PREX2: variants seen among roughly 807,000 people sequenced by gnomAD.
PREX2 encodes the protein phosphatidylinositol 3,4,5-trisphosphate-dependent Rac exchanger 2 protein.
A neutral mutation model predicts 203.2 loss-of-function variants in PREX2; 107 were observed. That is an observed-to-expected ratio of 0.53 (90% CI 0.45 to 0.62). The LOEUF (loss-of-function observed/expected upper bound fraction) is 0.62. Among genes scored for constraint, PREX2 ranks in the 20% least tolerant of loss-of-function variants. The pLI, the probability that PREX2 is intolerant of heterozygous loss-of-function variation, is 0.00. For synonymous variants in PREX2, 672 were observed against 663.6 expected (o/e 1.01, Z -0.19); for missense variants, 1,777 against 1,955.9 (o/e 0.91, Z 1.72).
intron 1 of PREX2, among the ~76,000 whole-genome samples, chr8:67,976,925 T>C (rs73256067): frequency 3.3e-5 from 5 of 152,240 alleles, no homozygotes; most frequent in Admixed American, 6.5e-5. Flanking sequence ...TGGTAGCACA[T>C]GTAGCAGAAT....
At chr8:68,037,169 A>G (rs1394262940) in intron 6 of PREX2, among the ~76,000 whole-genome samples, 1 of 152,202 alleles carries the variant, frequency 6.6e-6, no homozygotes, top group Non-Finnish European at 1.5e-5. Context: ...AATTTTAAAT[A>G]TGAAACATTA....
At chr8:68,151,378 C>T (rs985281574) in intron 34 of PREX2, among the ~76,000 whole-genome samples, 18 of 152,116 alleles carry the variant, frequency 1.2e-4, no homozygotes, top group Non-Finnish European at 2.5e-4. Flanking sequence ...GATAGCACTA[C>T]TGCACACCAA....
At chr8:68,020,571 ACT>A (rs1474188838) in intron 3 of PREX2, among the ~76,000 whole-genome samples, 19 of 152,122 alleles carry the variant, frequency 1.2e-4, no homozygotes, top group Admixed American at 6.6e-4. Flanking sequence ...TAGTGAGCAG[ACT>A]CTGTGTTCTT....
At chr8:68,116,045 C>G (rs1810651668) in intron 26 of PREX2, 113 bp downstream of exon 26, 2 of 834,224 alleles carry the variant, frequency 2.4e-6, no homozygotes, top group Non-Finnish European at 3.7e-6. Flanking sequence ...ATTGGTCTTT[C>G]ACAATAATCA....
intron 1 of PREX2, among the ~76,000 whole-genome samples, chr8:67,999,813 T>A: frequency 6.6e-6 from 1 of 152,270 alleles, no homozygotes; most frequent in African/African-American, 2.4e-5. Context: ...GTTCAACATA[T>A]GCACATCAAT....
chr8:67,988,501 G>T (rs929641087), intron 1 of PREX2, among the ~76,000 whole-genome samples: 3 of 152,198 alleles, frequency 2.0e-5, no homozygotes, highest in Admixed American at 2.0e-4. Context: ...TCCTACAACT[G>T]AGAGTCCCAT....
rs991805514 is a variant in PREX2 at position 67,986,672 on chromosome 8, C to T, written c.142-31174C>T. Reference sequence around the variant, plus strand: ...GGGGCTTGATTATGAGTTGCTGGCACCCAGCATGGTGCCTTTCTTTCGAGA... The same window carrying T: ...GGGGCTTGATTATGAGTTGCTGGCATCCAGCATGGTGCCTTTCTTTCGAGA... On this transcript the variant is annotated intron_variant, in intron 1 of 39. Transcript: ENST00000288368. Among the ~76,000 whole-genome samples the T allele has an allele frequency of 2.0e-5, 3 of 152,170 alleles. No homozygotes were observed. In the South Asian group the frequency reaches 6.2e-4, roughly 31 times the overall value.
At chr8:68,086,220 T>G (rs1809686389) in intron 18 of PREX2, among the ~76,000 whole-genome samples, 1 of 152,180 alleles carries the variant, frequency 6.6e-6, no homozygotes, top group Admixed American at 6.6e-5. Flanking sequence ...ATAATAATAC[T>G]TTCAAGTTTT....
At chr8:68,183,960 C>T (rs1471699286) in intron 35 of PREX2, among the ~76,000 whole-genome samples, 1 of 152,082 alleles carries the variant, frequency 6.6e-6, no homozygotes, top group Non-Finnish European at 1.5e-5. Flanking sequence ...TGGTAATAGG[C>T]AGTTCAATGA....
rs199776134 is a variant in PREX2, at chr8:68,077,406, C to A, written c.1579C>A (p.Arg527Ser). Residue 527 changes from arginine (R) to serine (S), a missense_variant, in exon 15 of 40, where the codon CGC (arginine) becomes AGC (serine). Arg to Ser is a moderately radical substitution (Grantham distance 110). Transcript: ENST00000288368. Reference protein sequence around the residue: ...IDWLIAQGDCRTREEAMIFGV... With the variant: ...IDWLIAQGDCSTREEAMIFGV... ...CTTTTTTGGTTAACAGGGAGATTGC[C>A]GCACCAGAGAAGAGGCAATGATATT... The A allele has an allele frequency of 1.6e-5, 26 of 1,613,330 alleles. No homozygotes were observed. The highest frequency in any genetic ancestry group is 2.0e-5 in the Non-Finnish European group (24 of 1,179,352).
At chr8:67,984,958 G>A (rs1176214856) in intron 1 of PREX2, among the ~76,000 whole-genome samples, 2 of 151,966 alleles carry the variant, frequency 1.3e-5, no homozygotes, top group South Asian at 2.1e-4. Flanking sequence ...CAGCCCAGTC[G>A]CACGGGTCCC....
intron 35 of PREX2, among the ~76,000 whole-genome samples, chr8:68,186,968 G>A (rs1049310975): frequency 6.6e-6 from 1 of 151,824 alleles, no homozygotes; most frequent in Admixed American, 6.6e-5. Context: ...CAATTTAAGT[G>A]AATGTCGCAG....
intron 35 of PREX2, among the ~76,000 whole-genome samples, chr8:68,175,788 C>CA (rs1458788234): frequency 6.6e-6 from 1 of 151,318 alleles, no homozygotes; most frequent in African/African-American, 2.4e-5. Context: ...TATCAAATTC[C>CA]AAAAAAGTAT....
At chr8:68,100,138 AC>A in intron 23 of PREX2, 1 of 538,778 alleles carries the variant, frequency 1.9e-6, no homozygotes, top group Middle Eastern at 3.0e-4. Flanking sequence ...AGTGCAGACC[AC>A]CTAATTCTGA....
intron 35 of PREX2, among the ~76,000 whole-genome samples, chr8:68,164,718 G>T (rs927667417): frequency 4.0e-5 from 6 of 151,706 alleles, no homozygotes; most frequent in African/African-American, 1.4e-4. Context: ...GAGTAGCTGG[G>T]ATTACAGGCA....
At chr8:68,027,921 T>C (rs968556559) in intron 5 of PREX2, among the ~76,000 whole-genome samples, 7 of 152,022 alleles carry the variant, frequency 4.6e-5, no homozygotes, top group African/African-American at 1.7e-4. Flanking sequence ...TTATGAAAAA[T>C]ACACTGTAAG....
At chr8:68,107,367 G>A (rs1025908249) in intron 23 of PREX2, among the ~76,000 whole-genome samples, 5 of 152,064 alleles carry the variant, frequency 3.3e-5, no homozygotes, top group African/African-American at 9.7e-5. Context: ...AGTTAGGTGA[G>A]GATCTGACTT....
At position 68,019,605 on chromosome 8, in the gene PREX2, C is replaced by T. The variant is rs143185949; in HGVS notation, c.270C>T (p.Val90=). ...CAGTACATAAAGAATTCTTAAAAGT[C>T]GTGGAAGAATGCTTACACCCCGAAC... is the stretch of plus-strand genomic sequence containing the variant. The part of the protein sequence containing the change: ...ILAVHKEFLK[V]VEECLHPEPN... Residue 90 remains valine (V), a synonymous_variant, in exon 3 of 40, where the codon GTC becomes GTT. Transcript: ENST00000288368. 1.5e-5 allele frequency: 24 copies of T among 1,612,770 alleles called. No individual in the cohort carries two copies. Among genetic ancestry groups the T allele is most frequent in the African/African-American group, 1.2e-4 (9 of 75,030 alleles).
chr8:67,977,303 C>T (rs941578772), intron 1 of PREX2, among the ~76,000 whole-genome samples: 6 of 152,152 alleles, frequency 3.9e-5, no homozygotes, highest in South Asian at 4.1e-4. Flanking sequence ...CTTGCATAAC[C>T]GTGAGAAATA....
Sources: allele counts gnomAD v4.1 joint callset (sites outside exome capture counted in the v4.1 genomes callset), GRCh38; gene constraint gnomAD v4.1.1; transcripts MANE v1.5; gene names NCBI Gene and HGNC (gene_info 2026-07-23, HGNC 2026-07-21).